The following KIF6 variants were observed in gnomAD, a reference collection of about 807,000 sequenced individuals.
KIF6 encodes kinesin family member 6.
Under a neutral mutation model 112.7 loss-of-function variants are expected in KIF6, and 106 were observed. The ratio of observed to expected loss-of-function variants is 0.94; its 90% CI spans 0.80 to 1.11. The LOEUF is 1.11. Ranked by LOEUF, KIF6 falls within the 50% of genes least tolerant of loss-of-function variation. KIF6 has a pLI of 0.00. For synonymous variants in KIF6, 339 were observed against 339.9 expected, an observed-to-expected ratio of 1.00 and a Z score of 0.03; for missense variants, 929 against 964.0, an observed-to-expected ratio of 0.96 and a Z score of 0.48.
intron 7 of KIF6, among the ~76,000 whole-genome samples, chr6:39,587,026 G>T (rs1781673569): frequency 1.3e-5 from 2 of 152,172 alleles, no homozygotes; most frequent in South Asian, 4.1e-4. Flanking sequence ...ATATAGGTTT[G>T]CTCCCATTGT....
chr6:39,364,946 G>A (rs1300877302), intron 16 of KIF6, among the ~76,000 whole-genome samples: 2 of 152,160 alleles, frequency 1.3e-5, no homozygotes, highest in African/African-American at 4.8e-5. Flanking sequence ...TAAGCTTGTG[G>A]TCAGTTTTAA....
intron 13 of KIF6, among the ~76,000 whole-genome samples, chr6:39,484,033 A>T (rs1774966837): frequency 6.6e-6 from 1 of 152,244 alleles, no homozygotes; most frequent in Non-Finnish European, 1.5e-5. Context: ...GTGACAAATG[A>T]TAATGAAGAT....
chr6:39,523,513 AC>A, intron 13 of KIF6, among the ~76,000 whole-genome samples: 1 of 151,222 alleles, frequency 6.6e-6, no homozygotes. Flanking sequence ...CACAAACCCT[AC>A]AATCCAACCC....
At chr6:39,635,040 G>A in intron 4 of KIF6, 82 bp from the exon 5 acceptor site, 2 of 754,736 alleles carry the variant, frequency 2.6e-6, no homozygotes, top group Non-Finnish European at 4.7e-6. Context: ...TTAGCACTCA[G>A]TTTCCTCATA....
At chr6:39,487,519 C>T (rs958319092) in intron 13 of KIF6, among the ~76,000 whole-genome samples, 1 of 152,204 alleles carries the variant, frequency 6.6e-6, no homozygotes, top group Non-Finnish European at 1.5e-5. Flanking sequence ...GCTTCACAGT[C>T]TAGCTTCTCT....
chr6:39,569,454 A>G (rs1780526176), intron 10 of KIF6, among the ~76,000 whole-genome samples: 1 of 152,212 alleles, frequency 6.6e-6, no homozygotes, highest in South Asian at 2.1e-4. Context: ...TTTTTGGAAT[A>G]AGTTATCAAA....
rs1482391367 is a variant in KIF6 at position 39,455,595 on chromosome 6, CA to C, written c.1646-24435del. ...CTGAGCTACGGGAGGACATTCAAAC[CA>C]AAGGCAAAGAAGTTGAAAACTTTGA... On this transcript the variant is annotated intron_variant, in intron 13 of 22. Coordinates refer to ENST00000287152, the MANE Select transcript of KIF6 (RefSeq NM_145027.6). 6.0e-5 allele frequency among the ~76,000 whole-genome samples: 9 copies of C among 150,126 alleles called. 1 individual carries two copies. Among genetic ancestry groups the C allele is most frequent in the Admixed American group, 1.3e-4 (2 of 15,076 alleles).
In KIF6 at chr6:39,613,286, T is replaced by C; in HGVS notation, c.542A>G (p.Asn181Ser). 1.9e-6 allele frequency: 3 copies of C among 1,607,118 alleles called. No individual in the cohort carries two copies. Among genetic ancestry groups the C allele is most frequent in the Non-Finnish European group, 2.5e-6 (3 of 1,176,742 alleles). The change falls in exon 6 of 23, where the codon AAC (asparagine) becomes AGC (serine). Residue 181 changes from asparagine (N) to serine (S), a missense_variant. Physicochemically the swap from Asn to Ser is conservative, Grantham distance 46. Coordinates refer to ENST00000287152, the MANE Select transcript of KIF6 (RefSeq NM_145027.6). ...GAGAGTCAAGTTTTTCAGGTGAATG[T>C]TCTGATCAGGATCCTCCAGTATTGT... The part of the protein sequence containing the change: ...KVTILEDPDQ[N>S]IHLKNLTLHQ...
At chr6:39,505,199 A>G (rs1776360138) in intron 13 of KIF6, among the ~76,000 whole-genome samples, 2 of 152,190 alleles carry the variant, frequency 1.3e-5, no homozygotes, top group Admixed American at 1.3e-4. Flanking sequence ...AAGACTGCAT[A>G]CCTATAACCA....
At chr6:39,656,632 A>G (rs1159360035) in intron 3 of KIF6, among the ~76,000 whole-genome samples, 2 of 152,118 alleles carry the variant, frequency 1.3e-5, no homozygotes, top group African/African-American at 4.8e-5. Flanking sequence ...TTTCCCACAC[A>G]TTCATTCATA....
intron 3 of KIF6, among the ~76,000 whole-genome samples, chr6:39,707,636 G>A (rs1343102969): frequency 6.6e-6 from 1 of 152,208 alleles, no homozygotes; most frequent in Non-Finnish European, 1.5e-5. Flanking sequence ...GCTGTACTTA[G>A]TAAGGGGAAT....
At chr6:39,597,884 G>A (rs928592239) in intron 6 of KIF6, among the ~76,000 whole-genome samples, 11 of 152,032 alleles carry the variant, frequency 7.2e-5, no homozygotes, top group Non-Finnish European at 1.2e-4. Context: ...TAAAGGACTC[G>A]GCCGGGTGTG....
At chr6:39,536,801 A>T (rs1455392847) in intron 13 of KIF6, among the ~76,000 whole-genome samples, 1 of 152,170 alleles carries the variant, frequency 6.6e-6, no homozygotes, top group African/African-American at 2.4e-5. Flanking sequence ...ATGAACATTG[A>T]TGCAAAAATC....
chr6:39,520,874 C>T (rs1485147634), intron 13 of KIF6, among the ~76,000 whole-genome samples: 1 of 152,102 alleles, frequency 6.6e-6, no homozygotes, highest in African/African-American at 2.4e-5. Context: ...AACACGAAAA[C>T]CAGCTAGACC....
chr6:39,399,590 T>A (rs1320303409), intron 15 of KIF6, among the ~76,000 whole-genome samples: 1 of 152,336 alleles, frequency 6.6e-6, no homozygotes, highest in East Asian at 1.9e-4. Context: ...GAAAACAAAC[T>A]GCTATAAACT....
At position 39,679,614 on chromosome 6, in the gene KIF6, CTTTTTTTTT is replaced by C. The variant is rs55936243; in HGVS notation, c.251+35069_251+35077del. 3.8e-5 allele frequency among the ~76,000 whole-genome samples: 4 copies of C among 106,504 alleles called. No individual in the cohort carries two copies. The East Asian group carries it at 8.2e-4, about 22-fold the overall frequency. 69.9% of individuals were successfully genotyped at this position (106,504 alleles called of 152,430 possible). A position where few individuals can be genotyped will look rare whatever the true frequency, so the allele number is the denominator to read the frequency against. Reference sequence around the variant, plus strand: ...TACATGGCAGGGTTTCTTTTCTTTTCTTTTTTTTTTTTTTTTTTTGAGGCGGAGTCTCAC... The same window carrying C: ...TACATGGCAGGGTTTCTTTTCTTTTCTTTTTTTTTTGAGGCGGAGTCTCAC... On this transcript the variant is annotated intron_variant, in intron 3 of 22. Transcript: ENST00000287152.
intron 13 of KIF6, among the ~76,000 whole-genome samples, chr6:39,463,863 CCT>C (rs1355201523): frequency 6.6e-6 from 1 of 152,176 alleles, no homozygotes; most frequent in African/African-American, 2.4e-5. Context: ...TTGGCTTGCT[CCT>C]CTCTCCTTTG....
At chr6:39,418,892 G>A (rs1407443650) in intron 15 of KIF6, among the ~76,000 whole-genome samples, 1 of 152,168 alleles carries the variant, frequency 6.6e-6, no homozygotes, top group Admixed American at 6.5e-5. Context: ...AGAAAAGGGG[G>A]TAGTAAGAGA....
chr6:39,401,716 G>A (rs573970700), intron 15 of KIF6, among the ~76,000 whole-genome samples: 2 of 152,236 alleles, frequency 1.3e-5, no homozygotes, highest in Admixed American at 1.3e-4. Flanking sequence ...AGTGCTAGCA[G>A]GTGAAGTCAT....
Sources: gnomAD v4.1 joint callset for allele counts (sites outside exome capture counted in the v4.1 genomes callset) on GRCh38, gnomAD v4.1.1 for gene constraint, MANE v1.5 for transcripts, NCBI Gene and HGNC (gene_info 2026-07-23, HGNC 2026-07-21) for gene names.